The following ABLIM2 variants were observed in gnomAD, a reference collection of about 807,000 sequenced individuals.
The protein encoded by ABLIM2 is actin binding LIM protein family member 2.
ABLIM2 carries 53 observed loss-of-function variants against 97.7 expected under a neutral mutation model. The ratio of observed to expected loss-of-function variants is 0.54; its 90% confidence interval spans 0.44 to 0.68. The LOEUF (loss-of-function observed/expected upper bound fraction) is 0.68, where lower values mean the gene tolerates loss of function less well. Ranked by LOEUF, ABLIM2 falls within the 30% of genes least tolerant of loss-of-function variation. The probability of loss-of-function intolerance (pLI) is 0.00; values close to 1 mark genes in which losing one functional copy is unlikely to be tolerated. For synonymous variants in ABLIM2, 361 were observed against 345.8 expected (o/e 1.04, Z -0.49); for missense variants, 835 against 867.2 (o/e 0.96, Z 0.47).
chr4:7,974,670 CACCCATCCATCCACCA>C (rs1231823610), intron 20 of ABLIM2, among the ~76,000 whole-genome samples: 24 of 151,690 alleles, frequency 1.6e-4, no homozygotes, highest in South Asian at 1.0e-3. Context: ...CCTATCCATC[CACCCATCCATCCACCA>C]ACCCATCCAT....
intron 16 of ABLIM2, chr4:8,007,835 C>T (rs1198763406): frequency 3.7e-6 from 5 of 1,342,844 alleles, no homozygotes; most frequent in African/African-American, 1.5e-5. Flanking sequence ...GACATGCAGG[C>T]GTGGCCCTCG....
chr4:7,970,634 G>T lies in ABLIM2; in HGVS notation c.1825-3531C>A, dbSNP rs1359955272. Among the ~76,000 whole-genome samples, 1 of 151,928 alleles carries T rather than the reference G, an allele frequency of 6.6e-6. No individual in the cohort carries two copies. On this transcript the variant is annotated intron_variant, in intron 20 of 20. Coordinates refer to ENST00000447017, the MANE Select transcript of ABLIM2 (RefSeq NM_001130083.2). This position sits in a 1 kb window ranked among gnomAD's most constrained non-coding sequence, Gnocchi z 5.3. ...GGCGGGCAAGCAGGAAGGCTGGCAG[G>T]GTGTTGGGAGGTGGGTGTGGGAAGC... is the stretch of plus-strand genomic sequence containing the variant.
At chr4:7,981,774 G>A (rs930387241) in intron 20 of ABLIM2, among the ~76,000 whole-genome samples, 3 of 152,196 alleles carry the variant, frequency 2.0e-5, no homozygotes, top group African/African-American at 7.2e-5. Context: ...CTCGTCTGCA[G>A]AGCAGCTTGG....
At chr4:7,991,960 C>A (rs1485605308) in intron 17 of ABLIM2, among the ~76,000 whole-genome samples, 1 of 152,160 alleles carries the variant, frequency 6.6e-6, no homozygotes, top group Non-Finnish European at 1.5e-5. Flanking sequence ...TCCAGCGCAA[C>A]AAAGAGGGGG....
chr4:8,055,735 C>T (rs886515554), intron 7 of ABLIM2, among the ~76,000 whole-genome samples: 1 of 152,182 alleles, frequency 6.6e-6, no homozygotes, highest in Non-Finnish European at 1.5e-5. Context: ...ACTCGAAGCT[C>T]TGAGAGATGG....
In ABLIM2 at chr4:8,125,776, G is replaced by A. The variant is rs749163311; in HGVS notation, c.11-19139C>T. On this transcript the variant is annotated intron_variant, in intron 1 of 20. Coordinates refer to ENST00000447017, the MANE Select transcript of ABLIM2 (RefSeq NM_001130083.2). This position sits in a 1 kb window ranked among gnomAD's most constrained non-coding sequence, Gnocchi z 6.2. ...AAACTCCATCTGGGACACGGACATC[G>A]TCACCTGCTGTCTGCTCTGGGCATC... 2.0e-5 allele frequency among the ~76,000 whole-genome samples: 3 copies of A among 152,176 alleles called. No individual in the cohort carries two copies. Among genetic ancestry groups the A allele is most frequent in the East Asian group, 1.9e-4 (1 of 5,194 alleles).
chr4:7,996,523 C>T lies in ABLIM2; in HGVS notation c.1619-3596G>A, dbSNP rs768865894. Among the ~76,000 whole-genome samples, 19 of 152,302 alleles carry T rather than the reference C, an allele frequency of 1.2e-4. No individual in the cohort carries two copies. The highest frequency in any genetic ancestry group is 5.8e-4 in the East Asian group (3 of 5,178). On this transcript the variant is annotated intron_variant, in intron 16 of 20. Transcript: ENST00000447017. The surrounding 1 kb of genome is among the most constrained non-coding windows in gnomAD (Gnocchi z 4.5). The stretch of plus-strand genomic sequence containing the variant: ...ACTTTGACTATGATAGTCTCAGGGA[C>T]GTCTTCTGTTTCCCCTGAGCACCCG...
chr4:8,025,044 C>T (rs572391034), intron 12 of ABLIM2, among the ~76,000 whole-genome samples: 2 of 152,234 alleles, frequency 1.3e-5, no homozygotes, highest in South Asian at 2.1e-4. Flanking sequence ...ATCCTCCCGC[C>T]TCAGCCTCCC....
chr4:8,076,392 G>C (rs1219509288), intron 6 of ABLIM2, among the ~76,000 whole-genome samples: 2 of 152,180 alleles, frequency 1.3e-5, no homozygotes, highest in African/African-American at 4.8e-5. Context: ...GGGGATCCAA[G>C]GGTACACCCC....
At chr4:7,971,928 A>T (rs1274662787) in intron 20 of ABLIM2, among the ~76,000 whole-genome samples, 2 of 152,070 alleles carry the variant, frequency 1.3e-5, no homozygotes, top group Non-Finnish European at 2.9e-5. Flanking sequence ...AGGGCCAGCA[A>T]GGGGCCACTT....
At position 8,072,597 on chromosome 4, in the gene ABLIM2, C is replaced by T. The variant is rs1812991387; in HGVS notation, c.675+5031G>A. On this transcript the variant is annotated intron_variant, in intron 6 of 20. Coordinates refer to ENST00000447017, the MANE Select transcript of ABLIM2 (RefSeq NM_001130083.2). This position sits in a 1 kb window ranked among gnomAD's most constrained non-coding sequence, Gnocchi z 5.8. The stretch of plus-strand genomic sequence containing the variant: ...TTAAGCCAAAAATGCAAACCTGCAT[C>T]TGTGCACCAGGAGAAGACAAAGGGT... 6.6e-6 allele frequency among the ~76,000 whole-genome samples: 1 copy of T among 152,254 alleles called. No individual in the cohort carries two copies. Among genetic ancestry groups the T allele is most frequent in the Non-Finnish European group, 1.5e-5 (1 of 68,044 alleles).
intron 5 of ABLIM2, among the ~76,000 whole-genome samples, chr4:8,078,342 C>T (rs1022040036): frequency 3.3e-5 from 5 of 152,262 alleles, no homozygotes; most frequent in African/African-American, 4.8e-5. Flanking sequence ...CCTCTCCCCA[C>T]GCACACGTGC....
At position 8,091,330 on chromosome 4, in the gene ABLIM2, T is replaced by TATTC. The variant is rs375937738; in HGVS notation, c.339-3047_339-3046insGAAT. On this transcript the variant is annotated intron_variant, in intron 3 of 20. Transcript: ENST00000447017. ...TTATATATATATAATTATATATATA[T>TATTC]TATATATATAATATATATATAATTA... is the stretch of plus-strand genomic sequence containing the variant. 6.8e-4 allele frequency among the ~76,000 whole-genome samples: 32 copies of TATTC among 46,774 alleles called. 5 individuals are homozygous for TATTC. The highest frequency in any genetic ancestry group is 9.2e-4 in the Non-Finnish European group (26 of 28,286). 30.7% of individuals were successfully genotyped at this position (46,774 alleles called of 152,430 possible).
In ABLIM2 at chr4:8,046,672, G is replaced by A. The variant is rs146140874; in HGVS notation, c.823-1431C>T. 3.1e-4 allele frequency among the ~76,000 whole-genome samples: 47 copies of A among 152,332 alleles called. No individual in the cohort carries two copies. The highest frequency in any genetic ancestry group is 9.6e-4 in the African/African-American group (40 of 41,562). ...ATGCAGCGGTGCCTGCAGCCCAGGA[G>A]GCACCACAGTGGATGGGCTGATCTG... On this transcript the variant is annotated intron_variant, in intron 8 of 20. Transcript: ENST00000447017. This position sits in a 1 kb window ranked among gnomAD's most constrained non-coding sequence, Gnocchi z 4.4.
chr4:8,060,889 C>G (rs1480903925), intron 7 of ABLIM2, 78 bp downstream of exon 7: 3 of 1,262,952 alleles, frequency 2.4e-6, no homozygotes, highest in African/African-American at 1.5e-5. Context: ...CCAACCTGTT[C>G]ACACCCAGCA....
intron 14 of ABLIM2, chr4:8,010,494 G>C: frequency 1.0e-6 from 1 of 985,938 alleles, no homozygotes; most frequent in South Asian, 4.7e-5. Context: ...GCACCACCAA[G>C]GACAAGACTG....
rs770970485 is a variant in ABLIM2 at position 8,140,451 on chromosome 4, G to A, written c.10+18229C>T. Among the ~76,000 whole-genome samples, 4 of 152,034 alleles carry A rather than the reference G, an allele frequency of 2.6e-5. No individual in the cohort carries two copies. Among genetic ancestry groups the A allele is most frequent in the Non-Finnish European group, 5.9e-5 (4 of 68,004 alleles). On this transcript the variant is annotated intron_variant, in intron 1 of 20. Coordinates refer to ENST00000447017, the MANE Select transcript of ABLIM2 (RefSeq NM_001130083.2). The surrounding 1 kb of genome is among the most constrained non-coding windows in gnomAD (Gnocchi z 5.9). ...AACAGTGCCAGAGGAGGACCGCATC[G>A]TGCACCACCTGGAGGCTTGGAAACC... is the stretch of plus-strand genomic sequence containing the variant.
chr4:8,064,197 C>A (rs1416813917), intron 6 of ABLIM2, among the ~76,000 whole-genome samples: 1 of 152,248 alleles, frequency 6.6e-6, no homozygotes, highest in East Asian at 1.9e-4. Context: ...CTGAGAAACC[C>A]TTTGTCCTTT....
chr4:8,056,112 CAA>C (rs60992903), intron 7 of ABLIM2, among the ~76,000 whole-genome samples: 789 of 68,112 alleles, frequency 0.012, no homozygotes, highest in African/African-American at 0.044. Context: ...GACTCTGTCT[CAA>C]AAAAAAAAAA....
Sources: allele counts gnomAD v4.1 joint callset (sites outside exome capture counted in the v4.1 genomes callset), GRCh38; gene constraint gnomAD v4.1.1; non-coding constraint Gnocchi (gnomAD v3.1); transcripts MANE v1.5; gene names NCBI Gene and HGNC (gene_info 2026-07-23, HGNC 2026-07-21).